Variants in OR4E2 observed in about 807,000 individuals in gnomAD.
OR4E2 encodes the protein olfactory receptor family 4 subfamily E member 2, also known as olfactory receptor 4E2.
In OR4E2, 9 loss-of-function variants were observed where a neutral mutation model predicts 11.0. The observed-to-expected ratio is 0.82, with a 90% CI of 0.49 to 1.43. The LOEUF is 1.43. Among genes scored for constraint, OR4E2 ranks in the 40% most tolerant of loss-of-function variants. The pLI, the probability that OR4E2 is intolerant of heterozygous loss-of-function variation, is 0.00. For missense variants in OR4E2, 441 were observed against 382.0 expected, an observed-to-expected ratio of 1.15 and a Z score of -1.29; for synonymous variants, 159 against 147.3, an observed-to-expected ratio of 1.08 and a Z score of -0.57.
chr14:21,666,202 CTA>C lies in OR4E2; in HGVS notation c.*180_*181del, dbSNP rs1186764734. On this transcript the variant is annotated 3_prime_UTR_variant, in exon 4 of 4. Coordinates refer to ENST00000641524, the MANE Select transcript of OR4E2 (RefSeq NM_001001912.3). ...TTCATTAAAGATAAGAACTTATTAACTATTATTTAAATAAAGCAAAAGATCAT... is the reference window on the plus strand; with the variant it reads ...TTCATTAAAGATAAGAACTTATTAACTTATTTAAATAAAGCAAAAGATCAT... 2.1e-6 allele frequency: 1 copy of C among 484,498 alleles called. No homozygotes were observed. Among genetic ancestry groups the C allele is most frequent in the Non-Finnish European group, 3.6e-6 (1 of 276,514 alleles). 30.0% of individuals were successfully genotyped at this position (484,498 alleles called of 1,614,324 possible). A position where few individuals can be genotyped will look rare whatever the true frequency, so the allele number is the denominator to read the frequency against.
chr14:21,659,664 C>T (rs1450058763), intron 2 of OR4E2, among the ~76,000 whole-genome samples: 1 of 152,046 alleles, frequency 6.6e-6, no homozygotes, highest in African/African-American at 2.4e-5. Flanking sequence ...AAACTCATTT[C>T]TAGTAATCTA....
At chr14:21,654,989 G>T (rs1879863268) in intron 1 of OR4E2, among the ~76,000 whole-genome samples, 1 of 152,112 alleles carries the variant, frequency 6.6e-6, no homozygotes, top group African/African-American at 2.4e-5. Context: ...CCACATTATG[G>T]AGGGCAATTT....
rs768225366 is a variant in OR4E2 at position 21,665,861 on chromosome 14, G to A, written c.779G>A (p.Arg260Gln). The A allele has an allele frequency of 1.1e-5, 18 of 1,608,894 alleles. No individual in the cohort carries two copies. The highest frequency in any genetic ancestry group is 1.7e-4 in the Middle Eastern group (1 of 6,036). Residue 260 changes from arginine (R) to glutamine (Q), a missense_variant, in exon 4 of 4, where the codon CGG becomes CAG. By Grantham distance (43) the Arg-to-Gln change is conservative. Coordinates refer to ENST00000641524, the MANE Select transcript of OR4E2 (RefSeq NM_001001912.3). ...GGGCCATGTATCTTCATCTATACTCGGCCAGACACCAGCTTCTCCATTGAC... is the reference window on the plus strand; with the variant it reads ...GGGCCATGTATCTTCATCTATACTCAGCCAGACACCAGCTTCTCCATTGAC... ...FFGPCIFIYT[R>Q]PDTSFSIDKV...
At chr14:21,664,027 T>C (rs1014713376) in intron 3 of OR4E2, among the ~76,000 whole-genome samples, 1 of 152,234 alleles carries the variant, frequency 6.6e-6, no homozygotes, top group African/African-American at 2.4e-5. Context: ...GCTGATTCCA[T>C]GACTTTGCTA....
In OR4E2 at chr14:21,665,319, T is replaced by G; in HGVS notation, c.237T>G (p.Pro79=). Reference sequence around the variant, plus strand: ...TCTGCCACTCATCTGTCACTGTGCCTAAGATGTTGGAGGGTTTGCTTTTAG... The same window carrying G: ...TCTGCCACTCATCTGTCACTGTGCCGAAGATGTTGGAGGGTTTGCTTTTAG... ...IDICHSSVTV[P]KMLEGLLLER... is the part of the protein sequence containing the mutation. Residue 79 remains proline (P), a synonymous_variant, in exon 4 of 4, where the codon CCT becomes CCG. Coordinates refer to ENST00000641524, the MANE Select transcript of OR4E2 (RefSeq NM_001001912.3). The G allele has an allele frequency of 1.2e-6, 2 of 1,614,152 alleles. No individual in the cohort carries two copies. The highest frequency in any genetic ancestry group is 2.7e-5 in the African/African-American group (2 of 75,060).
intron 3 of OR4E2, among the ~76,000 whole-genome samples, chr14:21,663,511 G>C (rs1318423166): frequency 6.6e-6 from 1 of 151,742 alleles, no homozygotes; most frequent in Non-Finnish European, 1.5e-5. Context: ...ATTTAGTGGA[G>C]AGCAAAAATG....
intron 2 of OR4E2, among the ~76,000 whole-genome samples, chr14:21,658,839 A>G (rs1359641262): frequency 1.3e-5 from 2 of 152,060 alleles, no homozygotes; most frequent in Non-Finnish European, 2.9e-5. Flanking sequence ...ATTCTAATAT[A>G]CGCAGTATAC....
rs1566588775 is a variant in OR4E2 at position 21,665,531 on chromosome 14, T to C, written c.449T>C (p.Leu150Ser). ...ATACAGCTTGTCTTTGCTCTCTGGT[T>C]GGGGGGTACTGTTCACTCACTAGGG... Reference protein sequence around the residue: ...VCIQLVFALWLGGTVHSLGQT... With the variant: ...VCIQLVFALWSGGTVHSLGQT... Residue 150 changes from leucine to serine, a missense_variant, in exon 4 of 4, where the codon TTG (leucine) becomes TCG (serine). Physicochemically the swap from Leu to Ser is moderately radical, Grantham distance 145 (BLOSUM62 -2). Coordinates refer to ENST00000641524, the MANE Select transcript of OR4E2 (RefSeq NM_001001912.3). The C allele has an allele frequency of 6.2e-7, 1 of 1,614,098 alleles. No individual in the cohort carries two copies. The highest frequency in any genetic ancestry group is 1.3e-5 in the African/African-American group (1 of 75,000).
At position 21,665,318 on chromosome 14, in the gene OR4E2, C is replaced by T. The variant is rs528221544; in HGVS notation, c.236C>T (p.Pro79Leu). 3.5e-5 allele frequency: 57 copies of T among 1,614,116 alleles called. No homozygotes were observed. The South Asian group carries it at 4.9e-4, about 14-fold the overall frequency. Residue 79 changes from proline (P) to leucine (L), a missense_variant, in exon 4 of 4, where the codon CCT becomes CTT. Coordinates refer to ENST00000641524, the MANE Select transcript of OR4E2 (RefSeq NM_001001912.3). ...ATCTGCCACTCATCTGTCACTGTGCCTAAGATGTTGGAGGGTTTGCTTTTA... is the reference window on the plus strand; with the variant it reads ...ATCTGCCACTCATCTGTCACTGTGCTTAAGATGTTGGAGGGTTTGCTTTTA... ...IDICHSSVTVPKMLEGLLLER... is the reference protein window; with the variant it reads ...IDICHSSVTVLKMLEGLLLER...
chr14:21,662,295 GTTA>G (rs1880370608), intron 3 of OR4E2, among the ~76,000 whole-genome samples: 1 of 151,516 alleles, frequency 6.6e-6, no homozygotes, highest in Non-Finnish European at 1.5e-5. Flanking sequence ...TATATATTTT[GTTA>G]TTATTATTAT....
At chr14:21,656,850 C>T (rs1159059244) in intron 2 of OR4E2, among the ~76,000 whole-genome samples, 2 of 152,216 alleles carry the variant, frequency 1.3e-5, no homozygotes, top group African/African-American at 4.8e-5. Context: ...CACATACGCA[C>T]ACCCTCCAGG....
At chr14:21,663,129 T>C (rs541211230) in intron 3 of OR4E2, among the ~76,000 whole-genome samples, 1 of 152,334 alleles carries the variant, frequency 6.6e-6, no homozygotes, top group South Asian at 2.1e-4. Flanking sequence ...ATACCCATTG[T>C]GTACAAGGCA....
At chr14:21,655,360 C>T (rs1225742625) in intron 1 of OR4E2, among the ~76,000 whole-genome samples, 1 of 152,084 alleles carries the variant, frequency 6.6e-6, no homozygotes. Flanking sequence ...GCCACAGACC[C>T]CTTAAAAATT....
rs1354927026 is a variant in OR4E2, at chr14:21,664,074, T to C, written c.-8-1001T>C. 2.6e-5 allele frequency among the ~76,000 whole-genome samples: 4 copies of C among 152,252 alleles called. No homozygotes were observed. The East Asian group carries it at 7.7e-4, about 29-fold the overall frequency. On this transcript the variant is annotated intron_variant, in intron 3 of 3. Coordinates refer to ENST00000641524, the MANE Select transcript of OR4E2 (RefSeq NM_001001912.3). The stretch of plus-strand genomic sequence containing the variant: ...GCTGCAATGAGCATACATGTACATG[T>C]ATCTTTATAATTGAATAATTTATTT...
intron 3 of OR4E2, among the ~76,000 whole-genome samples, chr14:21,664,442 T>G (rs895513806): frequency 1.3e-5 from 2 of 152,220 alleles, no homozygotes; most frequent in Admixed American, 6.5e-5. Flanking sequence ...TGGAGTTGTT[T>G]GTATATTAAT....
chr14:21,660,012 T>C (rs1022808415), intron 2 of OR4E2, among the ~76,000 whole-genome samples: 2 of 152,060 alleles, frequency 1.3e-5, no homozygotes, highest in Admixed American at 6.5e-5. Flanking sequence ...AAGGTGATGT[T>C]TGAGCAAAGA....
At chr14:21,658,457 C>T (rs1880136637) in intron 2 of OR4E2, among the ~76,000 whole-genome samples, 1 of 152,194 alleles carries the variant, frequency 6.6e-6, no homozygotes, top group Non-Finnish European at 1.5e-5. Flanking sequence ...TCATGTTCCT[C>T]TTGGCAAAAG....
chr14:21,662,319 C>T (rs553833699), intron 3 of OR4E2, among the ~76,000 whole-genome samples: 135 of 151,830 alleles, frequency 8.9e-4, no homozygotes, highest in African/African-American at 3.0e-3. Context: ...TTTTTTCAGA[C>T]GGAGTCTTGC....
intron 2 of OR4E2, among the ~76,000 whole-genome samples, chr14:21,658,799 T>C (rs1254428447): frequency 1.3e-5 from 2 of 152,004 alleles, no homozygotes; most frequent in African/African-American, 4.8e-5. Context: ...TAGATTTCAT[T>C]GACCTTCAGT....
Sources: gnomAD v4.1 joint callset for allele counts (sites outside exome capture counted in the v4.1 genomes callset) on GRCh38, gnomAD v4.1.1 for gene constraint, MANE v1.5 for transcripts, NCBI Gene and HGNC (gene_info 2026-07-23, HGNC 2026-07-21) for gene names.